The following ACAA1 variants were observed in gnomAD, a reference collection of about 807,000 sequenced individuals.
The protein encoded by ACAA1 is 3-ketoacyl-CoA thiolase, peroxisomal.
A neutral mutation model predicts 48.8 loss-of-function variants in ACAA1; 44 were observed. That is an observed-to-expected ratio of 0.90 (90% CI 0.71 to 1.16). ACAA1 has a LOEUF of 1.16. ACAA1 is among the 50% of genes most tolerant of loss of function. ACAA1 has a pLI of 0.00. For missense variants in ACAA1, 512 were observed against 562.3 expected (o/e 0.91, Z 0.90); for synonymous variants, 233 against 226.5 (o/e 1.03, Z -0.26).
At chr3:38,133,807 C>A in intron 3 of ACAA1, 145 bp downstream of exon 3, 1 of 768,772 alleles carries the variant, frequency 1.3e-6, no homozygotes, top group Non-Finnish European at 2.2e-6. Context: ...AGGTTGAGTC[C>A]ACAAGAGCAG....
intron 7 of ACAA1, 137 bp downstream of exon 7, chr3:38,127,649 C>G: frequency 1.2e-6 from 1 of 803,562 alleles, no homozygotes; most frequent in East Asian, 2.6e-5. Flanking sequence ...TTCCCACCCC[C>G]AACCTGGGTG....
In ACAA1 at chr3:38,126,789, G is replaced by T. The variant is rs1449613261; in HGVS notation, c.627-89C>A. The T allele has an allele frequency of 2.0e-6, 3 of 1,496,128 alleles. No individual in the cohort carries two copies. The highest frequency in any genetic ancestry group is 1.8e-6 in the Non-Finnish European group (2 of 1,092,448). 92.7% of individuals were successfully genotyped at this position (1,496,128 alleles called of 1,614,324 possible). A position where few individuals can be genotyped will look rare whatever the true frequency, so the allele number is the denominator to read the frequency against. ...CCCCTATCCATTTGGGTAGACACAAGCTCAGGCTGCTAAATTCAGGGACAT... is the reference window on the plus strand; with the variant it reads ...CCCCTATCCATTTGGGTAGACACAATCTCAGGCTGCTAAATTCAGGGACAT... On this transcript the variant is annotated intron_variant, in intron 7 of 11. Coordinates refer to ENST00000333167, the MANE Select transcript of ACAA1 (RefSeq NM_001607.4). This position sits in a 1 kb window ranked among gnomAD's most constrained non-coding sequence, Gnocchi z 4.7.
chr3:38,125,535 A>G (rs780190443), intron 11 of ACAA1, 30 bp downstream of exon 11: 35 of 1,519,220 alleles, frequency 2.3e-5, no homozygotes, highest in African/African-American at 1.1e-4. Flanking sequence ...ATATCCCCCT[A>G]TGACCCCACC....
At chr3:38,132,220 C>T (rs569850110) in intron 3 of ACAA1, 5 of 404,744 alleles carry the variant, frequency 1.2e-5, no homozygotes, top group Admixed American at 7.1e-5. Flanking sequence ...TCCCCAGGGC[C>T]CCACAAGCAC....
intron 2 of ACAA1, among the ~76,000 whole-genome samples, chr3:38,134,728 G>A (rs1159091297): frequency 2.6e-5 from 4 of 152,164 alleles, no homozygotes; most frequent in South Asian, 2.1e-4. Flanking sequence ...AAAAGTCATC[G>A]TCATTCTCCA....
At position 38,136,513 on chromosome 3, in the gene ACAA1, G is replaced by C. The variant is rs1700896009; in HGVS notation, c.265+79C>G. On this transcript the variant is annotated intron_variant, in intron 2 of 11. Transcript: ENST00000333167. ...ATGGAGGTTCCCCCAGTGAAAATTC[G>C]GGGCGGGGAGGTGAGGAGAGCTCTG... is the stretch of plus-strand genomic sequence containing the variant. 5 of 1,514,042 alleles carry C rather than the reference G, an allele frequency of 3.3e-6. No homozygotes were observed. The East Asian group carries it at 6.8e-5, about 21-fold the overall frequency. 93.8% of individuals were successfully genotyped at this position (1,514,042 alleles called of 1,614,324 possible). A position where few individuals can be genotyped will look rare whatever the true frequency, so the allele number is the denominator to read the frequency against.
chr3:38,134,082 G>A (rs1700840922), intron 2 of ACAA1, 73 bp from the exon 3 acceptor site: 3 of 1,417,418 alleles, frequency 2.1e-6, no homozygotes, highest in Non-Finnish European at 2.9e-6. Context: ...GTGAAAACCA[G>A]AGATGAGGCA....
Position 38,126,164 on chromosome 3 carries a change from GCT to G in ACAA1, c.993_994del (p.Lys331AsnfsTer7). On this transcript the variant is annotated frameshift_variant, in exon 9 of 12. Transcript: ENST00000333167. LOFTEE classifies it high-confidence loss of function. The surrounding 1 kb of genome is among the most constrained non-coding windows in gnomAD (Gnocchi z 4.7). The stretch of plus-strand genomic sequence containing the variant: ...ACTATATGAAGGAGCCACCTTACCT[GCT>G]TTTTGCAAAGCTACTGGGATGGCAT... The G allele has an allele frequency of 6.2e-7, 1 of 1,613,366 alleles. No individual in the cohort carries two copies. Among genetic ancestry groups the G allele is most frequent in the Non-Finnish European group, 8.5e-7 (1 of 1,179,582 alleles).
chr3:38,128,476 C>T (rs1700722969), intron 6 of ACAA1, among the ~76,000 whole-genome samples: 1 of 152,260 alleles, frequency 6.6e-6, no homozygotes, highest in African/African-American at 2.4e-5. Flanking sequence ...CACTGCCCCT[C>T]TCCAAGCCTC....
chr3:38,136,546 G>A (rs199521345), intron 2 of ACAA1, 46 bp downstream of exon 2: 6 of 1,606,682 alleles, frequency 3.7e-6, no homozygotes, highest in Non-Finnish European at 5.1e-6. Flanking sequence ...CTGGACGAAC[G>A]GAAGAACGGG....
At chr3:38,132,091 C>T (rs887893000) in intron 3 of ACAA1, 86 bp from the exon 4 acceptor site, 2 of 1,244,212 alleles carry the variant, frequency 1.6e-6, no homozygotes, top group Admixed American at 1.8e-5. Context: ...CTAACTGCCC[C>T]CCTCAAGGGA....
chr3:38,128,166 G>A (rs1217749008), intron 6 of ACAA1, among the ~76,000 whole-genome samples: 1 of 151,348 alleles, frequency 6.6e-6, no homozygotes, highest in African/African-American at 2.4e-5. Flanking sequence ...GCAGAAAGGA[G>A]TTTGTTCCCT....
intron 5 of ACAA1, 26 bp downstream of exon 5, chr3:38,131,570 A>G: frequency 6.2e-7 from 1 of 1,612,996 alleles, no homozygotes; most frequent in Non-Finnish European, 8.5e-7. Flanking sequence ...GTTGGTTAAT[A>G]AGCTCCGGCA....
chr3:38,126,623 C>T lies in ACAA1; in HGVS notation c.704G>A (p.Gly235Asp). ...GGTCACAGTGATGCTCCTCTTGGTG[C>T]CCTTGTCATCATGGACCGTGGTGGT... ...PVTTTVHDDK[G>D]TKRSITVTQD... is the part of the protein sequence containing the mutation. The change falls in exon 8 of 12, where the codon GGC becomes GAC. Residue 235 changes from glycine to aspartate, a missense_variant. Gly to Asp is a moderately conservative substitution (Grantham distance 94). Transcript: ENST00000333167. This position sits in a 1 kb window ranked among gnomAD's most constrained non-coding sequence, Gnocchi z 4.7. 4 of 1,614,164 alleles carry T rather than the reference C, an allele frequency of 2.5e-6. No homozygotes were observed. Among genetic ancestry groups the T allele is most frequent in the Non-Finnish European group, 3.4e-6 (4 of 1,180,002 alleles).
chr3:38,128,124 T>G (rs1700715695), intron 6 of ACAA1, among the ~76,000 whole-genome samples: 1 of 152,194 alleles, frequency 6.6e-6, no homozygotes, highest in African/African-American at 2.4e-5. Context: ...AGAGACTTTC[T>G]TCAAGAGAGG....
At position 38,126,029 on chromosome 3, in the gene ACAA1, G is replaced by A. The variant is rs1021450585; in HGVS notation, c.997+133C>T. On this transcript the variant is annotated intron_variant, in intron 9 of 11. Transcript: ENST00000333167. The surrounding 1 kb of genome is among the most constrained non-coding windows in gnomAD (Gnocchi z 4.7). ...GCTGTGGGGTCAGGAAGGGCTTGAA[G>A]TATGGGACACTAGCCTGCCCCACCT... The A allele has an allele frequency of 1.4e-6, 2 of 1,450,840 alleles. No homozygotes were observed. Among genetic ancestry groups the A allele is most frequent in the African/African-American group, 1.4e-5 (1 of 71,520 alleles). 89.9% of individuals were successfully genotyped at this position (1,450,840 alleles called of 1,614,324 possible). A position where few individuals can be genotyped will look rare whatever the true frequency, so the allele number is the denominator to read the frequency against.
intron 11 of ACAA1, chr3:38,124,958 C>T (rs1426088207): frequency 6.6e-6 from 1 of 152,218 alleles, no homozygotes; most frequent in East Asian, 1.9e-4. Flanking sequence ...ACACACTAAC[C>T]TCCTCTGCAA....
intron 5 of ACAA1, among the ~76,000 whole-genome samples, chr3:38,131,170 A>G (rs1700778131): frequency 6.6e-6 from 1 of 152,244 alleles, no homozygotes; most frequent in Non-Finnish European, 1.5e-5. Context: ...GTGGGGAGAC[A>G]AAGGGACAGA....
Position 38,129,522 on chromosome 3 carries a change from TCA to T in ACAA1, c.447-136_447-135del. On this transcript the variant is annotated intron_variant, in intron 5 of 11. Transcript: ENST00000333167. The surrounding 1 kb of genome is among the most constrained non-coding windows in gnomAD (Gnocchi z 5.3). ...AGGAAGACCAGTGGGCCTCTGGGAG[TCA>T]CAGGCAGGGCACTTGGCCAGCAAGG... 1 of 684,376 alleles carries T rather than the reference TCA, an allele frequency of 1.5e-6. No individual in the cohort carries two copies. Among genetic ancestry groups the T allele is most frequent in the Non-Finnish European group, 2.5e-6 (1 of 407,668 alleles). 42.4% of individuals were successfully genotyped at this position (684,376 alleles called of 1,614,324 possible).
Sources: allele counts gnomAD v4.1 joint callset (sites outside exome capture counted in the v4.1 genomes callset), GRCh38; gene constraint gnomAD v4.1.1; non-coding constraint Gnocchi (gnomAD v3.1); transcripts MANE v1.5; gene names NCBI Gene and HGNC (gene_info 2026-07-23, HGNC 2026-07-21).